DNAH11: variants seen among roughly 807,000 people sequenced by gnomAD.
DNAH11 encodes axonemal beta dynein heavy chain 11.
A neutral mutation model predicts 526.0 loss-of-function variants in DNAH11; 442 were observed. The observed-to-expected ratio is 0.84, with a 90% CI of 0.78 to 0.91. The LOEUF is 0.91. DNAH11 is among the 40% of genes least tolerant of loss of function. DNAH11 has a pLI of 0.00. For synonymous variants in DNAH11, 2,461 were observed against 1,935.9 expected (o/e 1.27, Z -7.12); for missense variants, 6,989 against 5,448.7 (o/e 1.28, Z -8.90).
intron 35 of DNAH11, among the ~76,000 whole-genome samples, chr7:21,691,640 A>T (rs1392742009): frequency 6.6e-6 from 1 of 152,180 alleles, no homozygotes; most frequent in Admixed American, 6.5e-5. Flanking sequence ...TTTATAATTT[A>T]TATTTTGTGG....
intron 58 of DNAH11, among the ~76,000 whole-genome samples, 196 bp downstream of exon 58, chr7:21,784,736 G>T (rs1279093009): frequency 6.6e-6 from 1 of 152,096 alleles, no homozygotes; most frequent in Admixed American, 6.6e-5. Context: ...CCCCATCCAG[G>T]ACCCTGTTCT....
chr7:21,634,831 A>G (rs898791380), intron 25 of DNAH11, among the ~76,000 whole-genome samples: 4 of 152,134 alleles, frequency 2.6e-5, no homozygotes, highest in Non-Finnish European at 5.9e-5. Flanking sequence ...GTTGGAAGGG[A>G]AAAAAAGACA....
intron 49 of DNAH11, among the ~76,000 whole-genome samples, chr7:21,743,044 A>C (rs897418798): frequency 1.3e-5 from 2 of 152,180 alleles, no homozygotes; most frequent in Admixed American, 1.3e-4. Flanking sequence ...TCATTAGATC[A>C]CGTTGCCCTC....
chr7:21,857,534 G>C (rs547221736), intron 68 of DNAH11, among the ~76,000 whole-genome samples: 3 of 147,156 alleles, frequency 2.0e-5, no homozygotes, highest in Non-Finnish European at 4.5e-5. Context: ...TTTTGAAAAA[G>C]AAAAAAAAAA....
intron 45 of DNAH11, among the ~76,000 whole-genome samples, chr7:21,729,776 T>C (rs1192396227): frequency 6.6e-6 from 1 of 152,190 alleles, no homozygotes; most frequent in African/African-American, 2.4e-5. Flanking sequence ...ACCAACAGTC[T>C]CTTCAATGCA....
intron 62 of DNAH11, 149 bp downstream of exon 62, chr7:21,801,424 A>C: frequency 1.6e-5 from 17 of 1,094,272 alleles, no homozygotes; most frequent in Non-Finnish European, 2.1e-5. Context: ...GCTCTAACTC[A>C]CCAGAAGGAA....
intron 45 of DNAH11, among the ~76,000 whole-genome samples, chr7:21,732,632 TTTA>T (rs1785431493): frequency 5.3e-5 from 8 of 152,136 alleles, no homozygotes; most frequent in Admixed American, 5.2e-4. Context: ...AATGAGGAAA[TTTA>T]TTATTTCACA....
intron 62 of DNAH11, among the ~76,000 whole-genome samples, chr7:21,805,375 A>G (rs1789217927): frequency 6.6e-6 from 1 of 152,132 alleles, no homozygotes; most frequent in Admixed American, 6.5e-5. Flanking sequence ...GATCCCAAGC[A>G]TATAGAATAG....
intron 2 of DNAH11, among the ~76,000 whole-genome samples, chr7:21,557,027 C>T (rs1482731367): frequency 6.6e-6 from 1 of 151,456 alleles, no homozygotes; most frequent in Non-Finnish European, 1.5e-5. Flanking sequence ...CTTGCCACTG[C>T]ACTTCAGCCT....
At position 21,883,898 on chromosome 7, in the gene DNAH11, C is replaced by T. The variant is rs571879020; in HGVS notation, c.12388-393C>T. Among the ~76,000 whole-genome samples the T allele has an allele frequency of 7.9e-5, 12 of 152,158 alleles. No homozygotes were observed. The South Asian group carries it at 2.3e-3, about 29-fold the overall frequency. Reference sequence around the variant, plus strand: ...CTCTACAAAATTTTTAAAAAATTAGCGAGATGTAGTGTCCTGTGCCTGTAG... The same window carrying T: ...CTCTACAAAATTTTTAAAAAATTAGTGAGATGTAGTGTCCTGTGCCTGTAG... On this transcript the variant is annotated intron_variant, in intron 75 of 81. Coordinates refer to ENST00000409508, the MANE Select transcript of DNAH11 (RefSeq NM_001277115.2).
chr7:21,839,077 T>G (rs1433131761), intron 65 of DNAH11, among the ~76,000 whole-genome samples: 2 of 152,202 alleles, frequency 1.3e-5, no homozygotes, highest in Non-Finnish European at 2.9e-5. Context: ...TGATTTGCAT[T>G]TCCCTGGTGA....
At chr7:21,588,442 C>G (rs1415150474) in intron 10 of DNAH11, 70 bp from the exon 11 acceptor site, 4 of 1,564,644 alleles carry the variant, frequency 2.6e-6, no homozygotes, top group Non-Finnish European at 3.5e-6. Context: ...TGAAAAATTG[C>G]TTACAGGGTT....
At chr7:21,610,402 T>C (rs1406652652) in intron 20 of DNAH11, among the ~76,000 whole-genome samples, 2 of 152,214 alleles carry the variant, frequency 1.3e-5, no homozygotes, top group Non-Finnish European at 1.5e-5. Flanking sequence ...AGTATCTTCC[T>C]AGTAACTAGT....
At chr7:21,621,614 C>T (rs1786060802) in intron 25 of DNAH11, among the ~76,000 whole-genome samples, 1 of 152,046 alleles carries the variant, frequency 6.6e-6, no homozygotes, top group Admixed American at 6.6e-5. Flanking sequence ...CATCAAAAAG[C>T]TTATCCACCA....
chr7:21,743,802 T>C (rs922579754), intron 49 of DNAH11, among the ~76,000 whole-genome samples: 1 of 152,232 alleles, frequency 6.6e-6, no homozygotes, highest in African/African-American at 2.4e-5. Flanking sequence ...GCCTGTCAGC[T>C]GCACCTGACA....
chr7:21,766,281 A>G (rs1787181792), intron 55 of DNAH11, among the ~76,000 whole-genome samples: 1 of 152,214 alleles, frequency 6.6e-6, no homozygotes. Context: ...ATATGAGGTT[A>G]TGATTTAGAT....
chr7:21,864,741 A>C, intron 70 of DNAH11, 84 bp downstream of exon 70: 1 of 1,337,886 alleles, frequency 7.5e-7, no homozygotes. Context: ...AACATTAAAG[A>C]ATACAGGTGA....
At chr7:21,683,652 T>C in intron 31 of DNAH11, 132 bp from the exon 32 acceptor site, 1 of 924,926 alleles carries the variant, frequency 1.1e-6, no homozygotes. Context: ...CTATTATAAT[T>C]TGCAATAGCG....
intron 63 of DNAH11, among the ~76,000 whole-genome samples, chr7:21,813,464 T>G (rs2127998954): frequency 6.6e-6 from 1 of 152,314 alleles, no homozygotes; most frequent in East Asian, 1.9e-4. Context: ...ATAAATTTTG[T>G]GAACAGGTAA....
Sources: gnomAD v4.1 joint callset for allele counts (sites outside exome capture counted in the v4.1 genomes callset) on GRCh38, gnomAD v4.1.1 for gene constraint, MANE v1.5 for transcripts, NCBI Gene and HGNC (gene_info 2026-07-23, HGNC 2026-07-21) for gene names.